YAF2: variants seen among roughly 807,000 people sequenced by gnomAD.
YAF2 encodes the protein YY1 associated factor 2.
A neutral mutation model predicts 20.1 loss-of-function variants in YAF2; 7 were observed. That is an observed-to-expected ratio of 0.35 (90% confidence interval 0.20 to 0.65). The LOEUF (loss-of-function observed/expected upper bound fraction) is 0.65. YAF2 is among the 30% of genes least tolerant of loss of function. The probability of loss-of-function intolerance (pLI) is 0.69; values close to 1 mark genes in which losing one functional copy is unlikely to be tolerated. For synonymous variants in YAF2, 74 were observed against 76.0 expected, an observed-to-expected ratio of 0.97 and a Z score of 0.14; for missense variants, 151 against 219.2, an observed-to-expected ratio of 0.69 and a Z score of 1.96.
intron 2 of YAF2, among the ~76,000 whole-genome samples, chr12:42,180,460 A>T (rs1328390261): frequency 6.6e-6 from 1 of 152,204 alleles, no homozygotes; most frequent in Non-Finnish European, 1.5e-5. Context: ...GACCCTTGAG[A>T]GAGCTGCAGC....
intron 2 of YAF2, chr12:42,199,349 AATTAC>A (rs1341690933): frequency 2.9e-5 from 13 of 454,618 alleles, no homozygotes; most frequent in African/African-American, 2.1e-5. Context: ...GGATTTACTC[AATTAC>A]AAGTGTTAAA....
intron 2 of YAF2, chr12:42,172,074 T>A (rs1413637300): frequency 1.3e-5 from 2 of 152,254 alleles, no homozygotes; most frequent in Non-Finnish European, 2.9e-5. Flanking sequence ...TGCTCTATGC[T>A]CTTTCTATAT....
chr12:42,227,803 T>C (rs577813441), intron 2 of YAF2, among the ~76,000 whole-genome samples: 4,053 of 119,846 alleles, frequency 0.034, 75 homozygotes, highest in Non-Finnish European at 0.045. Flanking sequence ...GGTGGGGGGG[T>C]CAGCCCCCCG....
intron 2 of YAF2, among the ~76,000 whole-genome samples, chr12:42,162,237 T>C (rs979971431): frequency 1.3e-5 from 2 of 152,200 alleles, no homozygotes; most frequent in East Asian, 3.8e-4. Flanking sequence ...TATCAAAATT[T>C]CTCACTCCTT....
At chr12:42,237,800 GCCCCCGCCCCGC>G (rs1213066870) in intron 1 of YAF2, 76 bp from the exon 2 acceptor site, 13 of 1,075,286 alleles carry the variant, frequency 1.2e-5, no homozygotes, top group African/African-American at 1.8e-5. Flanking sequence ...CCCCGCGGCC[GCCCCCGCCCCGC>G]CCCCCGCCCC....
At chr12:42,194,007 C>T (rs1486487646) in intron 2 of YAF2, among the ~76,000 whole-genome samples, 1 of 151,956 alleles carries the variant, frequency 6.6e-6, no homozygotes, top group Non-Finnish European at 1.5e-5. Flanking sequence ...GGAGAAAGCA[C>T]ACAGAATAAG....
intron 2 of YAF2, among the ~76,000 whole-genome samples, chr12:42,228,033 C>T (rs2096413140): frequency 7.7e-6 from 1 of 129,094 alleles, no homozygotes; most frequent in Non-Finnish European, 1.7e-5. Flanking sequence ...GGGGTCAGCC[C>T]TCCGCCCGGC....
At chr12:42,201,305 T>C (rs1216951295) in intron 2 of YAF2, among the ~76,000 whole-genome samples, 1 of 152,232 alleles carries the variant, frequency 6.6e-6, no homozygotes, top group African/African-American at 2.4e-5. Context: ...CATCCCATCC[T>C]AAGCTTTGCA....
chr12:42,161,993 T>C (rs2065809255), intron 2 of YAF2, among the ~76,000 whole-genome samples: 1 of 152,166 alleles, frequency 6.6e-6, no homozygotes, highest in African/African-American at 2.4e-5. Flanking sequence ...TAGTCTAAGA[T>C]ATATGCTCAA....
At chr12:42,222,569 G>A (rs2067551765) in intron 2 of YAF2, among the ~76,000 whole-genome samples, 1 of 152,100 alleles carries the variant, frequency 6.6e-6, no homozygotes, top group Admixed American at 6.6e-5. Context: ...CTATACAAGT[G>A]TGCTTACATA....
intron 2 of YAF2, among the ~76,000 whole-genome samples, chr12:42,170,538 G>T (rs1167118831): frequency 6.6e-6 from 1 of 152,164 alleles, no homozygotes; most frequent in East Asian, 1.9e-4. Flanking sequence ...GGCCAGATGC[G>T]GTGGCTCACG....
chr12:42,203,781 C>T (rs2066964648), intron 2 of YAF2, among the ~76,000 whole-genome samples: 1 of 152,132 alleles, frequency 6.6e-6, no homozygotes. Context: ...TATAGTCTTT[C>T]CATTCTAGAT....
At position 42,230,235 on chromosome 12, in the gene YAF2, G is replaced by A. The variant is rs535952719; in HGVS notation, c.152+7364C>T. 1.3e-3 allele frequency among the ~76,000 whole-genome samples: 203 copies of A among 152,020 alleles called. 4 individuals are homozygous for A. In the South Asian group the frequency reaches 0.041, roughly 31 times the overall value. ...TCGCGCTACTGCACTCCAGCCTGGC[G>A]ACAGAGCAAGACTCCTTCAAGAAAG... On this transcript the variant is annotated intron_variant, in intron 2 of 3. Transcript: ENST00000534854.
At chr12:42,173,123 C>T (rs1436673224) in intron 2 of YAF2, among the ~76,000 whole-genome samples, 3 of 152,094 alleles carry the variant, frequency 2.0e-5, no homozygotes, top group Non-Finnish European at 2.9e-5. Flanking sequence ...GATGGGGTCT[C>T]GCTCTATTGC....
intron 2 of YAF2, among the ~76,000 whole-genome samples, chr12:42,220,800 G>T (rs926716900): frequency 1.3e-5 from 2 of 152,116 alleles, no homozygotes; most frequent in East Asian, 1.9e-4. Flanking sequence ...TTGTCAGGGG[G>T]CTATACAAAC....
At chr12:42,221,607 T>C (rs145492039) in intron 2 of YAF2, among the ~76,000 whole-genome samples, 20 of 152,262 alleles carry the variant, frequency 1.3e-4, no homozygotes, top group African/African-American at 4.8e-4. Flanking sequence ...TTTCTAAATC[T>C]CACACTGATC....
At chr12:42,195,440 GA>G (rs2066725046) in intron 2 of YAF2, among the ~76,000 whole-genome samples, 1 of 152,128 alleles carries the variant, frequency 6.6e-6, no homozygotes, top group Middle Eastern at 3.2e-3. Flanking sequence ...AGAATTTAAA[GA>G]AGGAAAAGGT....
chr12:42,213,420 C>T (rs2137250753), intron 2 of YAF2, among the ~76,000 whole-genome samples: 1 of 152,290 alleles, frequency 6.6e-6, no homozygotes, highest in East Asian at 1.9e-4. Flanking sequence ...ATTAATCTGA[C>T]CAGATTTTGA....
chr12:42,172,182 A>G (rs894984701), intron 2 of YAF2: 2 of 152,210 alleles, frequency 1.3e-5, no homozygotes, highest in African/African-American at 4.8e-5. Flanking sequence ...GAATCTTGGG[A>G]AGCTCTTCAA....
Sources: allele counts gnomAD v4.1 joint callset (sites outside exome capture counted in the v4.1 genomes callset), GRCh38; gene constraint gnomAD v4.1.1; transcripts MANE v1.5; gene names NCBI Gene and HGNC (gene_info 2026-07-23, HGNC 2026-07-21).